ARRB2: variants seen among roughly 807,000 people sequenced by gnomAD.
ARRB2 encodes arrestin beta 2.
A neutral mutation model predicts 53.4 loss-of-function variants in ARRB2; 21 were observed. That is an observed-to-expected ratio of 0.39 (90% CI 0.28 to 0.57). The LOEUF is 0.57. Ranked by LOEUF, ARRB2 falls within the 20% of genes least tolerant of loss-of-function variation. ARRB2 has a pLI of 0.55. For missense variants in ARRB2, 369 were observed against 527.5 expected, an observed-to-expected ratio of 0.70 and a Z score of 2.94; for synonymous variants, 180 against 212.9, an observed-to-expected ratio of 0.85 and a Z score of 1.34.
intron 1 of ARRB2, among the ~76,000 whole-genome samples, chr17:4,713,492 G>A (rs919080025): frequency 6.6e-6 from 1 of 152,040 alleles, no homozygotes; most frequent in African/African-American, 2.4e-5. Context: ...TTCGCCGGGC[G>A]TGGTGGTGGG....
rs1914983457 is a variant in ARRB2 at position 4,715,979 on chromosome 17, G to A, written c.61G>A (p.Val21Met). 3.7e-6 allele frequency: 6 copies of A among 1,614,178 alleles called. No individual in the cohort carries two copies. Among genetic ancestry groups the A allele is most frequent in the Non-Finnish European group, 5.1e-6 (6 of 1,180,024 alleles). The change falls in exon 3 of 15, where the codon GTG becomes ATG. Residue 21 changes from valine to methionine, a missense_variant. Coordinates refer to ENST00000269260, the MANE Select transcript of ARRB2 (RefSeq NM_004313.4). ...KKSSPNCKLT[V>M]YLGKRDFVDH... ...GACCCCTTGACATCCTCAGCTCACC[G>A]TGTACTTGGGCAAGCGGGACTTCGT...
chr17:4,715,649 A>T, intron 2 of ARRB2: 1 of 422,948 alleles, frequency 2.4e-6, no homozygotes, highest in Non-Finnish European at 4.4e-6. Context: ...ACACAGACAC[A>T]CATGCACATA....
At chr17:4,714,682 TA>T (rs1201555635) in intron 1 of ARRB2, 2 of 3,756 alleles carry the variant, frequency 5.3e-4, no homozygotes, top group African/African-American at 4.4e-3. Context: ...GCCACCACGT[TA>T]GAAATAGGAA....
rs770296350 is a variant in ARRB2 at position 4,720,593 on chromosome 17, G to A, written c.1089G>A (p.Pro363=). ...IPLPRPQSAA[P]ETDVPVDTNL... is the part of the protein sequence containing the mutation. ...CTCTTCCCGTCCCCCCAGCCGCTCC[G>A]GAGACAGATGTCCCTGTGGACACCA... is the stretch of plus-strand genomic sequence containing the variant. Residue 363 remains proline, a synonymous_variant, in exon 14 of 15, where the codon CCG becomes CCA. Transcript: ENST00000269260. The A allele has an allele frequency of 4.6e-5, 70 of 1,538,336 alleles. No homozygotes were observed. Among genetic ancestry groups the A allele is most frequent in the African/African-American group, 1.4e-4 (9 of 65,774 alleles).
chr17:4,713,524 G>A lies in ARRB2; in HGVS notation c.24-1489G>A, dbSNP rs181489501. ...TGGGTGCCTGTAGTCCCAGCTACTC[G>A]GGAGGCTGAGGCAGGAGAATGGCGT... On this transcript the variant is annotated intron_variant, in intron 1 of 14. Transcript: ENST00000269260. 5.2e-3 allele frequency among the ~76,000 whole-genome samples: 790 copies of A among 151,846 alleles called. 3 individuals carry two copies. The highest frequency in any genetic ancestry group is 0.018 in the African/African-American group (755 of 41,398).
intron 2 of ARRB2, chr17:4,715,502 C>CAG (rs1914877973): frequency 4.4e-5 from 10 of 226,434 alleles, no homozygotes; most frequent in South Asian, 1.0e-4. Flanking sequence ...CACACACATA[C>CAG]ACACATACAC....
Position 4,718,665 on chromosome 17 carries a change from G to A in ARRB2, c.760G>A (p.Val254Met). Residue 254 changes from valine (V) to methionine (M), a missense_variant, in exon 10 of 15, where the codon GTG (valine) becomes ATG (methionine). Transcript: ENST00000269260. The stretch of plus-strand genomic sequence containing the variant: ...CAGCACCGCCCAGTACAAGTGTCCT[G>A]TGGCTCAACTCGAACAAGAGTGAGT... ...LFSTAQYKCP[V>M]AQLEQDDQVS... 1 of 1,613,850 alleles carries A rather than the reference G, an allele frequency of 6.2e-7. No individual in the cohort carries two copies. The highest frequency in any genetic ancestry group is 1.3e-5 in the African/African-American group (1 of 75,038).
Position 4,716,099 on chromosome 17 carries a change from G to A in ARRB2, c.116-48G>A, listed in dbSNP as rs921121644. On this transcript the variant is annotated intron_variant, in intron 3 of 14. Transcript: ENST00000269260. ...GGAAGAAGTTCCCGGGCCCAGGAAA[G>A]CGGGGAGCGGCCCTTTCAGGAAGTG... The A allele has an allele frequency of 1.7e-5, 28 of 1,614,070 alleles. 1 individual carries two copies. In the East Asian group the frequency reaches 4.9e-4, roughly 28 times the overall value.
Position 4,715,953 on chromosome 17 carries a change from T to C in ARRB2, c.55-20T>C. 1 of 1,614,152 alleles carries C rather than the reference T, an allele frequency of 6.2e-7. No individual in the cohort carries two copies. The highest frequency in any genetic ancestry group is 8.5e-7 in the Non-Finnish European group (1 of 1,179,988). On this transcript the variant is annotated intron_variant, in intron 2 of 14. Coordinates refer to ENST00000269260, the MANE Select transcript of ARRB2 (RefSeq NM_004313.4). ...TCACCATCCTCCCCAATCTCCCCTG[T>C]GACCCCTTGACATCCTCAGCTCACC...
chr17:4,713,396 G>C (rs1248757566), intron 1 of ARRB2, among the ~76,000 whole-genome samples: 1 of 152,114 alleles, frequency 6.6e-6, no homozygotes, highest in Non-Finnish European at 1.5e-5. Context: ...ACTTTGGGAG[G>C]CTGAGACAGG....
At chr17:4,710,769 G>C (rs961253149) in intron 1 of ARRB2, 25 bp downstream of exon 1, 2 of 398,550 alleles carry the variant, frequency 5.0e-6, no homozygotes, top group African/African-American at 4.1e-5. Flanking sequence ...GCCACGCGGC[G>C]GGGCATGGGC....
At position 4,717,288 on chromosome 17, in the gene ARRB2, A is replaced by G. The variant is rs2150595032; in HGVS notation, c.417+12A>G. 1.2e-6 allele frequency: 2 copies of G among 1,613,932 alleles called. No homozygotes were observed. The highest frequency in any genetic ancestry group is 2.7e-5 in the African/African-American group (2 of 75,054). ...AGGATACAGGAAAGGTACGGGAGGA[A>G]CAGCTCTGAGGGCTCCTAGGGCAGG... On this transcript the variant is annotated intron_variant, in intron 6 of 14. Coordinates refer to ENST00000269260, the MANE Select transcript of ARRB2 (RefSeq NM_004313.4). This position sits in a 1 kb window ranked among gnomAD's most constrained non-coding sequence, Gnocchi z 6.0.
chr17:4,715,294 A>C, intron 2 of ARRB2: 2 of 519,672 alleles, frequency 3.8e-6, no homozygotes, highest in Non-Finnish European at 3.4e-6. Context: ...AGGAGGCCAA[A>C]AGCAAGCCAT....
At chr17:4,720,348 G>A in intron 12 of ARRB2, 45 bp from the exon 13 acceptor site, 2 of 1,613,778 alleles carry the variant, frequency 1.2e-6, no homozygotes, top group Non-Finnish European at 8.5e-7. Flanking sequence ...GCTCTCTCTA[G>A]TCCCATGTCG....
At chr17:4,718,389 C>T (rs760957342) in intron 9 of ARRB2, 44 bp downstream of exon 9, 3 of 1,570,072 alleles carry the variant, frequency 1.9e-6, no homozygotes, top group Non-Finnish European at 2.6e-6. Context: ...GAGGGCGTTA[C>T]TGCACAGGTG....
intron 1 of ARRB2, among the ~76,000 whole-genome samples, chr17:4,714,351 A>G (rs1914733571): frequency 6.6e-6 from 1 of 152,030 alleles, no homozygotes; most frequent in Non-Finnish European, 1.5e-5. Context: ...GGTAGAAACT[A>G]TCTGAGGGCC....
At chr17:4,720,115 T>G in intron 11 of ARRB2, 101 bp from the exon 12 acceptor site, 2 of 1,236,114 alleles carry the variant, frequency 1.6e-6, no homozygotes, top group Non-Finnish European at 2.3e-6. Context: ...TGGGGGCCTG[T>G]GCGAGTTTGT....
intron 1 of ARRB2, among the ~76,000 whole-genome samples, chr17:4,713,561 G>A (rs1196845260): frequency 6.6e-6 from 1 of 152,032 alleles, no homozygotes; most frequent in African/African-American, 2.4e-5. Flanking sequence ...AACCCGGGAG[G>A]CAGAGGTCGC....
intron 2 of ARRB2, chr17:4,715,574 C>G: frequency 3.4e-6 from 1 of 296,136 alleles, no homozygotes; most frequent in East Asian, 7.6e-5. Flanking sequence ...CACGGACACA[C>G]ACACACACAC....
Sources: gnomAD v4.1 joint callset for allele counts (sites outside exome capture counted in the v4.1 genomes callset) on GRCh38, gnomAD v4.1.1 for gene constraint, Gnocchi (gnomAD v3.1) non-coding constraint, MANE v1.5 for transcripts, NCBI Gene and HGNC (gene_info 2026-07-23, HGNC 2026-07-21) for gene names.